The following SV2C variants were observed in gnomAD, a reference collection of about 807,000 sequenced individuals.
SV2C encodes synaptic vesicle glycoprotein 2C, also known as solute carrier family 22 member B3.
A neutral mutation model predicts 79.7 loss-of-function variants in SV2C; 49 were observed. That is an observed-to-expected ratio of 0.61 (90% CI 0.49 to 0.78). SV2C has a LOEUF of 0.78. SV2C is among the 30% of genes least tolerant of loss of function. The pLI, the probability that SV2C is intolerant of heterozygous loss-of-function variation, is 0.00. For missense variants in SV2C, 833 were observed against 912.9 expected (o/e 0.91, Z 1.13); for synonymous variants, 334 against 333.2 (o/e 1.00, Z -0.03).
the SV2C span, among the ~76,000 whole-genome samples, chr5:75,923,724 CCTG>C: frequency 1.3e-5 from 2 of 152,116 alleles, no homozygotes; most frequent in Middle Eastern, 6.3e-3. Flanking sequence ...CCACCTTACT[CCTG>C]CAAGAATGGC....
chr5:76,263,080 G>C (rs1746532990), intron 4 of SV2C, among the ~76,000 whole-genome samples: 1 of 152,164 alleles, frequency 6.6e-6, no homozygotes, highest in Non-Finnish European at 1.5e-5. Flanking sequence ...CTCTATGTAA[G>C]TCTTTAAGAA....
chr5:76,101,503 A>G (rs932439372), intron 1 of SV2C, among the ~76,000 whole-genome samples: 1 of 152,174 alleles, frequency 6.6e-6, no homozygotes, highest in Non-Finnish European at 1.5e-5. Context: ...GGTAGAACCT[A>G]GAAGACAAAG....
intron 4 of SV2C, among the ~76,000 whole-genome samples, chr5:76,271,061 G>A (rs140521913): frequency 0.013 from 1,967 of 152,194 alleles, 29 homozygotes; most frequent in Non-Finnish European, 0.017. Context: ...GAGACATCAC[G>A]TCTGACCTAA....
chr5:76,209,585 T>C (rs970052003), intron 3 of SV2C, 151 bp from the exon 4 acceptor site: 3 of 804,762 alleles, frequency 3.7e-6, no homozygotes, highest in Non-Finnish European at 5.4e-6. Flanking sequence ...CTATAATTTT[T>C]ACATTGTAAA....
chr5:76,306,737 C>A (rs1748206979), intron 12 of SV2C, among the ~76,000 whole-genome samples: 1 of 152,090 alleles, frequency 6.6e-6, no homozygotes, highest in Admixed American at 6.6e-5. Flanking sequence ...GAATTAATAA[C>A]CTGAATATAT....
chr5:76,110,118 T>G (rs905266732), intron 1 of SV2C, among the ~76,000 whole-genome samples: 1 of 152,198 alleles, frequency 6.6e-6, no homozygotes, highest in Non-Finnish European at 1.5e-5. Context: ...TTTTCTAACA[T>G]GCATACCCCA....
chr5:76,077,099 TCAA>T, the SV2C span, among the ~76,000 whole-genome samples: 1 of 152,188 alleles, frequency 6.6e-6, no homozygotes, highest in Non-Finnish European at 1.5e-5. Context: ...GCAATAATCA[TCAA>T]CAACTGCTAA....
chr5:76,111,035 G>A (rs1748079135), intron 1 of SV2C, among the ~76,000 whole-genome samples: 2 of 152,200 alleles, frequency 1.3e-5, no homozygotes, highest in African/African-American at 4.8e-5. Context: ...GACAAAACAT[G>A]TTAAATTACT....
At chr5:76,296,690 T>C (rs1255550090) in intron 9 of SV2C, among the ~76,000 whole-genome samples, 1 of 152,136 alleles carries the variant, frequency 6.6e-6, no homozygotes, top group African/African-American at 2.4e-5. Flanking sequence ...TCAAAAGTGA[T>C]AAAATAAAAC....
At chr5:76,021,818 TA>T in the SV2C span, among the ~76,000 whole-genome samples, 1 of 152,184 alleles carries the variant, frequency 6.6e-6, no homozygotes, top group African/African-American at 2.4e-5. Context: ...ATTTAATACT[TA>T]AAAGTGCTTG....
intron 12 of SV2C, among the ~76,000 whole-genome samples, chr5:76,322,926 A>G (rs1255977966): frequency 6.6e-6 from 1 of 152,236 alleles, no homozygotes; most frequent in Admixed American, 6.5e-5. Flanking sequence ...CCAAAACCAT[A>G]AAAACCCTAG....
At chr5:75,964,839 AAC>A in the SV2C span, among the ~76,000 whole-genome samples, 6 of 152,316 alleles carry the variant, frequency 3.9e-5, no homozygotes, top group Non-Finnish European at 7.3e-5. Flanking sequence ...GATATTAAGA[AAC>A]ACATATATGC....
chr5:76,345,273 C>T (rs1176532502), intron 12 of SV2C, among the ~76,000 whole-genome samples: 5 of 152,194 alleles, frequency 3.3e-5, no homozygotes, highest in South Asian at 2.1e-4. Flanking sequence ...ACTCTCCAAA[C>T]GGCAAATAAG....
At chr5:76,173,068 CA>C (rs200424377) in intron 2 of SV2C, among the ~76,000 whole-genome samples, 63,410 of 130,932 alleles carry the variant, frequency 0.48, 16,919 homozygotes, top group East Asian at 0.61. Context: ...AAAAAAAATA[CA>C]AAAAAAAAAA....
the SV2C span, among the ~76,000 whole-genome samples, chr5:76,008,854 C>T: frequency 1.3e-5 from 2 of 152,166 alleles, no homozygotes; most frequent in Non-Finnish European, 2.9e-5. Context: ...TATTAGCTCC[C>T]GTGACCTACC....
chr5:75,973,348 A>T, the SV2C span, among the ~76,000 whole-genome samples: 26 of 151,938 alleles, frequency 1.7e-4, no homozygotes, highest in African/African-American at 6.3e-4. Flanking sequence ...AAAAAAAATT[A>T]GCCAAGTATG....
At chr5:75,883,057 A>C in the SV2C span, among the ~76,000 whole-genome samples, 10 of 147,064 alleles carry the variant, frequency 6.8e-5, no homozygotes, top group African/African-American at 2.3e-4. Flanking sequence ...TCTCAAAAGA[A>C]GACATTTATG....
At chr5:76,071,091 C>T in the SV2C span, among the ~76,000 whole-genome samples, 14,132 of 152,258 alleles carry the variant, frequency 0.093, 2,198 homozygotes, top group African/African-American at 0.32. Flanking sequence ...AGGGTAGACG[C>T]TTCTTTCCTA....
intron 2 of SV2C, among the ~76,000 whole-genome samples, chr5:76,189,219 A>ACT (rs1316448768): frequency 6.6e-6 from 1 of 150,886 alleles, no homozygotes; most frequent in African/African-American, 2.4e-5. Context: ...AAAAAAAATG[A>ACT]CTCTTTGAGG....
Sources: gnomAD v4.1 joint callset for allele counts (sites outside exome capture counted in the v4.1 genomes callset) on GRCh38, gnomAD v4.1.1 for gene constraint, MANE v1.5 for transcripts, NCBI Gene and HGNC (gene_info 2026-07-23, HGNC 2026-07-21) for gene names.